ARHGAP10: variants seen among roughly 807,000 people sequenced by gnomAD.
ARHGAP10 encodes the protein Rho GTPase activating protein 10, also known as rho GTPase-activating protein 10.
ARHGAP10 carries 87 observed loss-of-function variants against 108.6 expected under a neutral mutation model. The ratio of observed to expected loss-of-function variants is 0.80; its 90% CI spans 0.67 to 0.96. The LOEUF is 0.96. Ranked by LOEUF, ARHGAP10 falls within the 40% of genes least tolerant of loss-of-function variation. ARHGAP10 has a pLI of 0.00. For synonymous variants in ARHGAP10, 347 were observed against 341.1 expected (o/e 1.02, Z -0.19); for missense variants, 939 against 954.5 (o/e 0.98, Z 0.21).
At chr4:148,067,696 A>G (rs1729957839) in intron 22 of ARHGAP10, among the ~76,000 whole-genome samples, 3 of 152,200 alleles carry the variant, frequency 2.0e-5, no homozygotes, top group Admixed American at 2.0e-4. Context: ...GGTTTATGCC[A>G]CCCAGTGGCC....
At chr4:147,792,671 ATTATGAT>A (rs1731165394) in intron 1 of ARHGAP10, among the ~76,000 whole-genome samples, 1 of 151,278 alleles carries the variant, frequency 6.6e-6, no homozygotes. Context: ...ATTCTCCATT[ATTATGAT>A]TTATCCAAGT....
At chr4:147,937,041 A>G (rs1737979145) in intron 13 of ARHGAP10, among the ~76,000 whole-genome samples, 1 of 152,154 alleles carries the variant, frequency 6.6e-6, no homozygotes, top group South Asian at 2.1e-4. Flanking sequence ...TAATAAATGT[A>G]ATGCTCTTGA....
intron 19 of ARHGAP10, among the ~76,000 whole-genome samples, chr4:148,034,326 T>C (rs561911273): frequency 2.2e-4 from 33 of 152,260 alleles, no homozygotes; most frequent in Middle Eastern, 6.8e-3. Context: ...CAATTACTTA[T>C]TTATTTTTTT....
intron 3 of ARHGAP10, among the ~76,000 whole-genome samples, chr4:147,845,215 T>G (rs1733584199): frequency 6.6e-6 from 1 of 152,246 alleles, no homozygotes; most frequent in Non-Finnish European, 1.5e-5. Context: ...AAGCTCTCTT[T>G]GCACACATTT....
At chr4:147,967,375 G>A (rs996081903) in intron 18 of ARHGAP10, among the ~76,000 whole-genome samples, 4 of 152,244 alleles carry the variant, frequency 2.6e-5, no homozygotes, top group Non-Finnish European at 5.9e-5. Context: ...GTTACACCTA[G>A]CTGTTGTGAA....
chr4:147,973,098 G>T (rs1739470023), intron 18 of ARHGAP10, among the ~76,000 whole-genome samples: 1 of 152,120 alleles, frequency 6.6e-6, no homozygotes, highest in Non-Finnish European at 1.5e-5. Context: ...GGATCAACTT[G>T]TAAGATGTAT....
At chr4:147,911,140 C>T (rs548884701) in intron 12 of ARHGAP10, among the ~76,000 whole-genome samples, 2 of 152,072 alleles carry the variant, frequency 1.3e-5, no homozygotes, top group South Asian at 4.2e-4. Flanking sequence ...TTTTGCTAAG[C>T]AGAAATAAAT....
intron 18 of ARHGAP10, among the ~76,000 whole-genome samples, chr4:148,020,409 C>G (rs2149661657): frequency 6.6e-6 from 1 of 152,224 alleles, no homozygotes; most frequent in South Asian, 2.1e-4. Context: ...AGGTATTAAG[C>G]CCAGCATGCA....
At chr4:147,880,508 C>A (rs1014553895) in intron 9 of ARHGAP10, among the ~76,000 whole-genome samples, 12 of 152,146 alleles carry the variant, frequency 7.9e-5, no homozygotes, top group Non-Finnish European at 1.8e-4. Context: ...TTAGTGATAT[C>A]TTTCTGTTTT....
intron 10 of ARHGAP10, among the ~76,000 whole-genome samples, chr4:147,887,286 A>G (rs1314452606): frequency 6.6e-6 from 1 of 151,950 alleles, no homozygotes; most frequent in Non-Finnish European, 1.5e-5. Flanking sequence ...TGTGTTCCTG[A>G]TGGAGGCCAA....
In ARHGAP10 at chr4:148,039,553, A is replaced by G. The variant is rs969370108; in HGVS notation, c.1868-7339A>G. 2.7e-5 allele frequency among the ~76,000 whole-genome samples: 4 copies of G among 150,724 alleles called. No individual in the cohort carries two copies. The East Asian group carries it at 5.9e-4, about 22-fold the overall frequency. ...GACCTCCAGTGATCTGCCCACCTCT[A>G]CCTCCCAAAGTGCTGGGATTACAGG... On this transcript the variant is annotated intron_variant, in intron 19 of 22. Transcript: ENST00000336498.
intron 4 of ARHGAP10, among the ~76,000 whole-genome samples, chr4:147,853,589 A>G (rs1579118538): frequency 6.6e-6 from 1 of 152,208 alleles, no homozygotes; most frequent in Non-Finnish European, 1.5e-5. Flanking sequence ...TGTGTTCTTT[A>G]TCCATTTTTC....
intron 18 of ARHGAP10, among the ~76,000 whole-genome samples, chr4:147,995,966 C>T (rs1740458674): frequency 6.6e-6 from 1 of 152,208 alleles, no homozygotes; most frequent in Non-Finnish European, 1.5e-5. Context: ...ATCCGCCTGC[C>T]TCAGCCTCCC....
intron 13 of ARHGAP10, among the ~76,000 whole-genome samples, chr4:147,930,618 G>A (rs1351361557): frequency 3.3e-5 from 5 of 152,032 alleles, no homozygotes; most frequent in African/African-American, 1.2e-4. Flanking sequence ...GAAATTAACA[G>A]GAAATTAAAT....
chr4:147,740,895 G>C (rs1728627463), intron 1 of ARHGAP10, among the ~76,000 whole-genome samples: 1 of 151,934 alleles, frequency 6.6e-6, no homozygotes, highest in Non-Finnish European at 1.5e-5. Context: ...TTCCCCAAGG[G>C]GTAGGACCTA....
intron 18 of ARHGAP10, among the ~76,000 whole-genome samples, chr4:148,006,032 G>C (rs1272288554): frequency 6.6e-6 from 1 of 152,184 alleles, no homozygotes; most frequent in Non-Finnish European, 1.5e-5. Context: ...CCTTAAACCT[G>C]AGTAGAACTC....
rs554474726 is a variant in ARHGAP10 at position 148,031,094 on chromosome 4, G to A, written c.1867+7681G>A. On this transcript the variant is annotated intron_variant, in intron 19 of 22. Coordinates refer to ENST00000336498, the MANE Select transcript of ARHGAP10 (RefSeq NM_024605.4). ...AACAAAAAAATGAATTTTGAGACTG[G>A]CATTTTGGATCTACTAATAGTCTTT... Among the ~76,000 whole-genome samples the A allele has an allele frequency of 3.9e-5, 6 of 152,206 alleles. No individual in the cohort carries two copies. The South Asian group carries it at 1.2e-3, about 32-fold the overall frequency.
At chr4:147,965,813 C>T (rs372967090) in intron 17 of ARHGAP10, among the ~76,000 whole-genome samples, 2 of 152,016 alleles carry the variant, frequency 1.3e-5, no homozygotes, top group Admixed American at 6.5e-5. Context: ...AGTCTAAGTC[C>T]CAGCTTTCAT....
At chr4:147,819,021 G>C (rs555245390) in intron 1 of ARHGAP10, among the ~76,000 whole-genome samples, 1 of 152,272 alleles carries the variant, frequency 6.6e-6, no homozygotes, top group East Asian at 1.9e-4. Context: ...TCTTAGCACA[G>C]GTACAAAGCA....
Sources: allele counts gnomAD v4.1 joint callset (sites outside exome capture counted in the v4.1 genomes callset), GRCh38; gene constraint gnomAD v4.1.1; transcripts MANE v1.5; gene names NCBI Gene and HGNC (gene_info 2026-07-23, HGNC 2026-07-21).